ITGA7: variants seen among roughly 807,000 people sequenced by gnomAD.
ITGA7 encodes integrin subunit alpha 7, also known as integrin alpha-7.
ITGA7 carries 84 observed loss-of-function variants against 131.6 expected under a neutral mutation model. The observed-to-expected ratio is 0.64, with a 90% confidence interval of 0.54 to 0.77. The LOEUF (loss-of-function observed/expected upper bound fraction) is 0.77, where lower values mean the gene tolerates loss of function less well. Among genes scored for constraint, ITGA7 ranks in the 30% least tolerant of loss-of-function variants. The pLI, the probability that ITGA7 is intolerant of heterozygous loss-of-function variation, is 0.00. For synonymous variants in ITGA7, 548 were observed against 600.7 expected (o/e 0.91, Z 1.28); for missense variants, 1,399 against 1,482.9 (o/e 0.94, Z 0.93).
At chr12:55,710,330 C>T (rs187595972), upstream of ITGA7, among the ~76,000 whole-genome samples, 120 of 151,518 alleles carry the variant, frequency 7.9e-4, no homozygotes, top group African/African-American at 2.9e-3. Context: ...CACTGCACTC[C>T]AGCCTGGGTG....
chr12:55,685,469 G>C (rs1205494766), intron 24 of ITGA7, among the ~76,000 whole-genome samples, 181 bp from the exon 25 acceptor site: 1 of 152,144 alleles, frequency 6.6e-6, no homozygotes, highest in African/African-American at 2.4e-5. Flanking sequence ...TGTGTCCCCA[G>C]GTTCTCATTC....
intron 21 of ITGA7, among the ~76,000 whole-genome samples, chr12:55,692,223 C>G (rs1341787042): frequency 1.3e-5 from 2 of 152,164 alleles, no homozygotes; most frequent in Admixed American, 6.5e-5. Context: ...GACCAGCCAG[C>G]CTGGCCAACA....
chr12:55,698,814 G>C lies in ITGA7; in HGVS notation c.894C>G (p.Arg298=). ...GCACCAGGCGACTGGCGCTGTCCTT[G>C]CGCAGGATGACCACAGCACCCTTGT... is the stretch of plus-strand genomic sequence containing the variant. The part of the protein sequence containing the change: ...ANHKGAVVIL[R]KDSASRLVPE... The change falls in exon 6 of 25, where the codon CGC becomes CGG. Residue 298 remains arginine, a synonymous_variant. Transcript: ENST00000257879. The C allele has an allele frequency of 6.2e-7, 1 of 1,614,094 alleles. No individual in the cohort carries two copies. Among genetic ancestry groups the C allele is most frequent in the Non-Finnish European group, 8.5e-7 (1 of 1,180,018 alleles).
chr12:55,694,415 CT>C lies in ITGA7; in HGVS notation c.2357+27del. 6.8e-6 allele frequency: 11 copies of C among 1,613,744 alleles called. No homozygotes were observed. The highest frequency in any genetic ancestry group is 9.3e-6 in the Non-Finnish European group (11 of 1,179,672). On this transcript the variant is annotated intron_variant, in intron 17 of 24. Transcript: ENST00000257879. This position sits in a 1 kb window ranked among gnomAD's most constrained non-coding sequence, Gnocchi z 5.3. ...ATGAGGTCAATATGACTACCCCCAC[CT>C]CACCCTTCCGGCCCCGCCTGGCTTA...
chr12:55,699,940 C>A lies in ITGA7; in HGVS notation c.720G>T (p.Val240=). 6.2e-7 allele frequency: 1 copy of A among 1,614,106 alleles called. No homozygotes were observed. Among genetic ancestry groups the A allele is most frequent in the South Asian group, 1.1e-5 (1 of 91,066 alleles). ...GGTCAGCAGGGTCCAAAGTTTTATA[C>A]ACCAGCTGGTCGGGGTCTGAGCTAT... is the stretch of plus-strand genomic sequence containing the variant. The part of the protein sequence containing the change: ...NIDSSDPDQL[V]YKTLDPADRL... The change falls in exon 5 of 25, where the codon GTG becomes GTT. Residue 240 remains valine (V), a synonymous_variant. Transcript: ENST00000257879.
upstream of ITGA7, among the ~76,000 whole-genome samples, chr12:55,712,723 A>C (rs909292036): frequency 6.6e-6 from 1 of 152,234 alleles, no homozygotes; most frequent in Admixed American, 6.5e-5. Context: ...ACTGCAGCAG[A>C]AACTAAGGTT....
At chr12:55,695,182 T>TAACTTAACCTC in intron 14 of ITGA7, 1 of 608,416 alleles carries the variant, frequency 1.6e-6, no homozygotes, top group Non-Finnish European at 2.9e-6. Flanking sequence ...TTACTTACCT[T>TAACTTAACCTC]GGCCAAGTAA....
chr12:55,716,398 C>T (rs896367340), upstream of ITGA7: 6 of 1,395,932 alleles, frequency 4.3e-6, no homozygotes, highest in Non-Finnish European at 5.6e-6. Context: ...GGCAATACTC[C>T]GGTCCCCTCG....
Position 55,688,252 on chromosome 12 carries a change from T to G in ITGA7, c.3007A>C (p.Thr1003Pro). The change falls in exon 23 of 25, where the codon ACA becomes CCA. Residue 1003 changes from threonine (T) to proline (P), a missense_variant. Coordinates refer to ENST00000257879, the MANE Select transcript of ITGA7 (RefSeq NM_002206.3). ...SLEVIVRANITVKSSIKNLML... is the reference protein window; with the variant it reads ...SLEVIVRANIPVKSSIKNLML... ...AAGTTCTTTATGGAGGACTTCACTG[T>G]GATGTTGGCCCGGACAATCACTTCC... The G allele has an allele frequency of 2.5e-6, 4 of 1,614,082 alleles. No individual in the cohort carries two copies. The highest frequency in any genetic ancestry group is 3.4e-6 in the Non-Finnish European group (4 of 1,180,010).
chr12:55,703,195 G>A lies in ITGA7; in HGVS notation c.207-17C>T. On this transcript the variant is annotated splice_polypyrimidine_tract_variant and intron_variant, in intron 1 of 24. Coordinates refer to ENST00000257879, the MANE Select transcript of ITGA7 (RefSeq NM_002206.3). ...ACCAGCAGCCTGCAAGATGGGGCAGGGGCAGGGACAGGGACAGGAGTTAGA... is the reference window on the plus strand; with the variant it reads ...ACCAGCAGCCTGCAAGATGGGGCAGAGGCAGGGACAGGGACAGGAGTTAGA... 23 of 1,606,336 alleles carry A rather than the reference G, an allele frequency of 1.4e-5. No individual in the cohort carries two copies. The highest frequency in any genetic ancestry group is 1.9e-5 in the Non-Finnish European group (23 of 1,179,872).
At chr12:55,713,288 G>C (rs988610073), upstream of ITGA7, among the ~76,000 whole-genome samples, 1 of 152,164 alleles carries the variant, frequency 6.6e-6, no homozygotes, top group Non-Finnish European at 1.5e-5. Flanking sequence ...CTCTGGAGCA[G>C]AGCCTCTTCT....
rs112173440 is a variant in ITGA7 at position 55,693,068 on chromosome 12, C to T, written c.2712+73G>A. On this transcript the variant is annotated intron_variant, in intron 20 of 24. Transcript: ENST00000257879. ...CCCCACCGCCTTCCTCCTGCCCCAT[C>T]ACTGCACTCACTACCCTTACTCCCC... The T allele has an allele frequency of 2.5e-3, 3,993 of 1,610,442 alleles. 80 individuals are homozygous for T. In the African/African-American group the frequency reaches 0.048, roughly 20 times the overall value.
At chr12:55,695,693 C>G (rs1264086837) in intron 13 of ITGA7, 56 bp from the exon 14 acceptor site, 1 of 1,183,394 alleles carries the variant, frequency 8.5e-7, no homozygotes, top group Non-Finnish European at 1.3e-6. Context: ...GGGGGCAAAC[C>G]TGTCACCATG....
At chr12:55,685,372 C>T (rs1395742864) in intron 24 of ITGA7, 84 bp from the exon 25 acceptor site, 5 of 1,179,526 alleles carry the variant, frequency 4.2e-6, no homozygotes, top group Non-Finnish European at 6.3e-6. Flanking sequence ...CAGCTCCTCA[C>T]CCTCACCATC....
At chr12:55,688,354 T>C in intron 22 of ITGA7, 54 bp from the exon 23 acceptor site, 1 of 1,211,960 alleles carries the variant, frequency 8.3e-7, no homozygotes, top group Non-Finnish European at 1.2e-6. Flanking sequence ...TCTCCCTCCC[T>C]TCCCCTTACC....
In ITGA7 at chr12:55,688,283, C is replaced by T. The variant is rs1592403571; in HGVS notation, c.2976G>A (p.Lys992=). The T allele has an allele frequency of 1.1e-5, 17 of 1,613,906 alleles. No individual in the cohort carries two copies. Among genetic ancestry groups the T allele is most frequent in the Non-Finnish European group, 1.3e-5 (15 of 1,179,794 alleles). The change falls in exon 23 of 25, where the codon AAG becomes AAA. Residue 992 remains lysine, a synonymous_variant. Transcript: ENST00000257879. ...STFLEEYSAV[K]SLEVIVRANI... ...TGGCCCGGACAATCACTTCCAGGGA[C>T]TTCACAGCTGAGTACTCCTAAGGGA...
In ITGA7 at chr12:55,687,696, T is replaced by C. The variant is rs546446523; in HGVS notation, c.3183+275A>G. ...GTAGAGATGGGGTTTCACCATGTTG[T>C]CCAGGCTGGTCTCGAACTCCTGACC... On this transcript the variant is annotated intron_variant, in intron 24 of 24. Coordinates refer to ENST00000257879, the MANE Select transcript of ITGA7 (RefSeq NM_002206.3). Among the ~76,000 whole-genome samples the C allele has an allele frequency of 1.2e-3, 184 of 150,800 alleles. 1 individual carries two copies. The highest frequency in any genetic ancestry group is 4.2e-3 in the African/African-American group (171 of 40,920).
At chr12:55,695,170 C>T in intron 14 of ITGA7, 200 bp from the exon 15 acceptor site, 1 of 613,320 alleles carries the variant, frequency 1.6e-6, no homozygotes, top group Non-Finnish European at 2.9e-6. Context: ...TCAGCTCCAC[C>T]ATTACTTACC....
rs1871840786 is a variant in ITGA7, at chr12:55,693,166, G to T, written c.2687C>A (p.Ser896Tyr). The stretch of plus-strand genomic sequence containing the variant: ...CAGGTGGAGGATGTTGGGCCTGGGA[G>T]AGCAAAGCCCTTTCTGCCCAGGCCC... The part of the protein sequence containing the change: ...GQGPGQKGLC[S>Y]PRPNILHLDV... The change falls in exon 20 of 25, where the codon TCT becomes TAT. Residue 896 changes from serine to tyrosine, a missense_variant. By Grantham distance (144) the Ser-to-Tyr change is moderately radical. Coordinates refer to ENST00000257879, the MANE Select transcript of ITGA7 (RefSeq NM_002206.3). 1 of 1,613,848 alleles carries T rather than the reference G, an allele frequency of 6.2e-7. No homozygotes were observed. The highest frequency in any genetic ancestry group is 1.3e-5 in the African/African-American group (1 of 74,854).
Sources: gnomAD v4.1 joint callset for allele counts (sites outside exome capture counted in the v4.1 genomes callset) on GRCh38, gnomAD v4.1.1 for gene constraint, Gnocchi (gnomAD v3.1) non-coding constraint, MANE v1.5 for transcripts, NCBI Gene and HGNC (gene_info 2026-07-23, HGNC 2026-07-21) for gene names.